Variants in AIDA observed in about 807,000 individuals in gnomAD.
AIDA encodes the protein axin interactor, dorsalization associated, also known as axin interactor, dorsalization-associated protein.
AIDA carries 18 observed loss-of-function variants against 42.7 expected under a neutral mutation model. The ratio of observed to expected loss-of-function variants is 0.42; its 90% confidence interval spans 0.29 to 0.63. The LOEUF is 0.63. Among genes scored for constraint, AIDA ranks in the 20% least tolerant of loss-of-function variants. AIDA has a pLI of 0.19. For synonymous variants in AIDA, 104 were observed against 122.9 expected (o/e 0.85, Z 1.02); for missense variants, 250 against 354.1 (o/e 0.71, Z 2.36).
intron 2 of AIDA, 121 bp from the exon 3 acceptor site, chr1:222,694,384 C>T: frequency 1.1e-6 from 1 of 875,114 alleles, no homozygotes; most frequent in Middle Eastern, 2.8e-4. Flanking sequence ...AATTTTATTT[C>T]TTTCTAGCAT....
At chr1:222,693,389 A>T (rs1655427099) in intron 4 of AIDA, among the ~76,000 whole-genome samples, 1 of 152,210 alleles carries the variant, frequency 6.6e-6, no homozygotes, top group South Asian at 2.1e-4. Context: ...AAATGAAGAC[A>T]ACAAAAAAAA....
chr1:222,680,424 T>C (rs1452933324), intron 6 of AIDA, among the ~76,000 whole-genome samples: 1 of 152,126 alleles, frequency 6.6e-6, no homozygotes, highest in African/African-American at 2.4e-5. Flanking sequence ...TTCAATTCAA[T>C]GTGATTTCTA....
At position 222,712,285 on chromosome 1, in the gene AIDA, G is replaced by A. The variant is rs781458709; in HGVS notation, c.33C>T (p.Arg11=). ...CGCCTCTCCTAAAACTGGCGCCCCA[G>A]CGCTGCAGCAGACTCCGGGTCACCT... MSEVTRSLLQ[R]WGASFRRGAD... The change falls in exon 1 of 10, where the codon CGC becomes CGT. Residue 11 remains arginine, a synonymous_variant. Transcript: ENST00000340020. 1.3e-6 allele frequency: 2 copies of A among 1,579,316 alleles called. No homozygotes were observed. The highest frequency in any genetic ancestry group is 8.6e-7 in the Non-Finnish European group (1 of 1,162,644).
intron 6 of AIDA, among the ~76,000 whole-genome samples, chr1:222,686,369 G>A (rs1319090595): frequency 2.0e-5 from 3 of 152,150 alleles, no homozygotes; most frequent in African/African-American, 7.2e-5. Context: ...TATGGTTTGT[G>A]CTAAACATCT....
chr1:222,675,899 A>T (rs1208562038), intron 7 of AIDA, among the ~76,000 whole-genome samples, 197 bp downstream of exon 7: 1 of 152,214 alleles, frequency 6.6e-6, no homozygotes, highest in East Asian at 1.9e-4. Flanking sequence ...TAAATAAGAA[A>T]ATAAGTAAAT....
At chr1:222,698,779 C>T (rs558541549) in intron 2 of AIDA, among the ~76,000 whole-genome samples, 1 of 151,754 alleles carries the variant, frequency 6.6e-6, no homozygotes, top group East Asian at 1.9e-4. Flanking sequence ...GCTCACTGTG[C>T]ACTAGACAGT....
At chr1:222,708,395 T>C (rs916590827) in intron 1 of AIDA, among the ~76,000 whole-genome samples, 1 of 150,610 alleles carries the variant, frequency 6.6e-6, no homozygotes, top group African/African-American at 2.4e-5. Context: ...TTAAGACGAG[T>C]CTCACTCCGT....
chr1:222,687,573 C>G, intron 5 of AIDA, 22 bp downstream of exon 5: 1 of 1,472,272 alleles, frequency 6.8e-7, no homozygotes, highest in Non-Finnish European at 9.2e-7. Flanking sequence ...AATAAGAAAA[C>G]AAATATAAAT....
intron 8 of AIDA, among the ~76,000 whole-genome samples, 166 bp from the exon 9 acceptor site, chr1:222,670,416 C>T (rs1664425554): frequency 6.6e-6 from 1 of 152,204 alleles, no homozygotes; most frequent in East Asian, 1.9e-4. Context: ...ATGGTTGTCA[C>T]CCCGAACTCT....
At chr1:222,675,315 T>C (rs1013080436) in intron 7 of AIDA, among the ~76,000 whole-genome samples, 1 of 152,210 alleles carries the variant, frequency 6.6e-6, no homozygotes, top group African/African-American at 2.4e-5. Context: ...TAATTATTTT[T>C]AAAAGACTGT....
At chr1:222,677,941 G>C (rs1429422747) in intron 6 of AIDA, among the ~76,000 whole-genome samples, 1 of 152,042 alleles carries the variant, frequency 6.6e-6, no homozygotes, top group South Asian at 2.1e-4. Flanking sequence ...CACATTATTG[G>C]AGGTGTATCT....
At chr1:222,709,878 T>C (rs1416302242) in intron 1 of AIDA, among the ~76,000 whole-genome samples, 2 of 152,332 alleles carry the variant, frequency 1.3e-5, no homozygotes, top group Middle Eastern at 3.4e-3. Context: ...TGTTGAGTCA[T>C]GAAATTGTTT....
chr1:222,695,985 G>A (rs1430400720), intron 2 of AIDA, among the ~76,000 whole-genome samples: 5 of 151,972 alleles, frequency 3.3e-5, no homozygotes, highest in African/African-American at 1.2e-4. Flanking sequence ...TACAATAAAC[G>A]GCGATACAAC....
rs889292919 is a variant in AIDA at position 222,702,085 on chromosome 1, A to T, written c.180+1063T>A. ...TTGTTTTTTAAATACAAAATAAAAA[A>T]GTACATTAGATAAAGTAGATCCTAA... is the stretch of plus-strand genomic sequence containing the variant. On this transcript the variant is annotated intron_variant, in intron 2 of 9. Coordinates refer to ENST00000340020, the MANE Select transcript of AIDA (RefSeq NM_022831.4). Among the ~76,000 whole-genome samples, 3 of 152,240 alleles carry T rather than the reference A, an allele frequency of 2.0e-5. No individual in the cohort carries two copies. In the South Asian group the frequency reaches 6.2e-4, roughly 31 times the overall value.
intron 2 of AIDA, among the ~76,000 whole-genome samples, chr1:222,698,366 A>G (rs551593793): frequency 1.3e-5 from 2 of 152,338 alleles, no homozygotes; most frequent in South Asian, 4.1e-4. Context: ...TTATCTAAAA[A>G]ACAGAATTAA....
Position 222,670,002 on chromosome 1 carries a change from C to G in AIDA, c.825-13G>C. ...GGGTTTCTTGTATCTGTAATCACAACAGAAAGACCATTGTTTAAAATACAT... is the reference window on the plus strand; with the variant it reads ...GGGTTTCTTGTATCTGTAATCACAAGAGAAAGACCATTGTTTAAAATACAT... On this transcript the variant is annotated splice_polypyrimidine_tract_variant and intron_variant, in intron 9 of 9. Coordinates refer to ENST00000340020, the MANE Select transcript of AIDA (RefSeq NM_022831.4). The G allele has an allele frequency of 6.2e-7, 1 of 1,613,978 alleles. No individual in the cohort carries two copies. The highest frequency in any genetic ancestry group is 8.5e-7 in the Non-Finnish European group (1 of 1,179,904).
intron 6 of AIDA, among the ~76,000 whole-genome samples, chr1:222,681,761 T>A (rs114242474): frequency 0.01 from 1,593 of 152,232 alleles, 11 homozygotes; most frequent in Admixed American, 0.019. Context: ...ACTGCCACCA[T>A]GGGGAGGGGA....
At position 222,669,712 on chromosome 1, in the gene AIDA, G is replaced by A. The variant is rs923741067; in HGVS notation, c.*181C>T. 8.1e-6 allele frequency: 6 copies of A among 736,336 alleles called. No homozygotes were observed. Among genetic ancestry groups the A allele is most frequent in the East Asian group, 2.8e-5 (1 of 35,222 alleles). 45.6% of individuals were successfully genotyped at this position (736,336 alleles called of 1,614,324 possible). A position where few individuals can be genotyped will look rare whatever the true frequency, so the allele number is the denominator to read the frequency against. The stretch of plus-strand genomic sequence containing the variant: ...ACCTGTATCCCAAGGAGTCCTATAC[G>A]TCAGTGTGATGTGCTGGACTCTGAA... On this transcript the variant is annotated 3_prime_UTR_variant, in exon 10 of 10. Transcript: ENST00000340020.
At chr1:222,679,332 T>G (rs1664611861) in intron 6 of AIDA, among the ~76,000 whole-genome samples, 1 of 147,926 alleles carries the variant, frequency 6.8e-6, no homozygotes, top group South Asian at 2.1e-4. Flanking sequence ...TAACTACATT[T>G]ATAAAACTTG....
Sources: allele counts gnomAD v4.1 joint callset (sites outside exome capture counted in the v4.1 genomes callset), GRCh38; gene constraint gnomAD v4.1.1; transcripts MANE v1.5; gene names NCBI Gene and HGNC (gene_info 2026-07-23, HGNC 2026-07-21).